Variants in TENM3 observed in about 807,000 individuals in gnomAD.
TENM3 encodes teneurin-3.
A neutral mutation model predicts 255.1 loss-of-function variants in TENM3; 63 were observed. The observed-to-expected ratio is 0.25, with a 90% CI of 0.20 to 0.30. TENM3 has a LOEUF of 0.30. Ranked by LOEUF, TENM3 falls within the 10% of genes least tolerant of loss-of-function variation. The pLI, the probability that TENM3 is intolerant of heterozygous loss-of-function variation, is 1.00. For missense variants in TENM3, 2,929 were observed against 3,461.1 expected, an observed-to-expected ratio of 0.85 and a Z score of 3.86; for synonymous variants, 1,306 against 1,322.3, an observed-to-expected ratio of 0.99 and a Z score of 0.27.
chr4:181,849,124 A>G, the TENM3 span, among the ~76,000 whole-genome samples: 1 of 152,240 alleles, frequency 6.6e-6, no homozygotes, highest in African/African-American at 2.4e-5. Flanking sequence ...CCAGAGAATT[A>G]TATCAGTGGT....
At chr4:182,786,573 A>G (rs1322531339) in intron 24 of TENM3, among the ~76,000 whole-genome samples, 5 of 151,626 alleles carry the variant, frequency 3.3e-5, no homozygotes. Context: ...AAAAAAAAAA[A>G]AGAAATCAGA....
the TENM3 span, among the ~76,000 whole-genome samples, chr4:181,626,560 C>A: frequency 6.6e-6 from 1 of 151,944 alleles, no homozygotes. Flanking sequence ...GAGAGCACAG[C>A]AAGGGGGCGG....
At chr4:182,712,682 A>G (rs1188572564) in intron 12 of TENM3, among the ~76,000 whole-genome samples, 1 of 152,178 alleles carries the variant, frequency 6.6e-6, no homozygotes, top group African/African-American at 2.4e-5. Flanking sequence ...CAAGTTCCAC[A>G]GTGGAGGAGG....
chr4:181,825,005 T>C, the TENM3 span, among the ~76,000 whole-genome samples: 2 of 152,360 alleles, frequency 1.3e-5, no homozygotes, highest in African/African-American at 4.8e-5. Flanking sequence ...GTCGCATTTT[T>C]AATTCAGTTC....
intron 6 of TENM3, among the ~76,000 whole-genome samples, chr4:182,655,634 A>G (rs926396429): frequency 2.6e-5 from 4 of 152,156 alleles, no homozygotes; most frequent in African/African-American, 9.7e-5. Flanking sequence ...TTGCAAGAAA[A>G]TTTTAGGGCA....
intron 3 of TENM3, among the ~76,000 whole-genome samples, chr4:182,435,183 A>G (rs138515826): frequency 1.3e-5 from 2 of 152,302 alleles, no homozygotes; most frequent in Non-Finnish European, 2.9e-5. Flanking sequence ...CTCCGGTTCC[A>G]CGGTTTTATG....
the TENM3 span, among the ~76,000 whole-genome samples, chr4:181,700,230 C>CT: frequency 8.0e-5 from 12 of 149,980 alleles, no homozygotes; most frequent in South Asian, 4.2e-4. Context: ...ATTTCAGGGT[C>CT]TTTTTTTTTT....
chr4:181,524,097 AT>A, the TENM3 span, among the ~76,000 whole-genome samples: 1 of 152,212 alleles, frequency 6.6e-6, no homozygotes, highest in South Asian at 2.1e-4. Flanking sequence ...TAACATGGAA[AT>A]CATGCAAATT....
At chr4:182,523,684 G>A (rs1738817009) in intron 3 of TENM3, among the ~76,000 whole-genome samples, 1 of 152,114 alleles carries the variant, frequency 6.6e-6, no homozygotes, top group Non-Finnish European at 1.5e-5. Flanking sequence ...GCTTGTGTTA[G>A]TGACAGTATA....
intron 23 of TENM3, chr4:182,773,916 A>C (rs1000777308): frequency 2.6e-5 from 7 of 273,980 alleles, no homozygotes; most frequent in Non-Finnish European, 3.4e-5. Context: ...CTTCACATGC[A>C]TCATCAGGCG....
chr4:182,061,231 G>A, the TENM3 span, among the ~76,000 whole-genome samples: 2 of 152,130 alleles, frequency 1.3e-5, no homozygotes, highest in East Asian at 1.9e-4. Context: ...TGCAACTGGC[G>A]AGGAAGTGGG....
At chr4:181,555,482 TAACTC>T in the TENM3 span, among the ~76,000 whole-genome samples, 1 of 152,200 alleles carries the variant, frequency 6.6e-6, no homozygotes, top group Non-Finnish European at 1.5e-5. Flanking sequence ...CCAATTTAAA[TAACTC>T]AACAAGCAAC....
At chr4:182,103,327 A>G in the TENM3 span, among the ~76,000 whole-genome samples, 5 of 152,254 alleles carry the variant, frequency 3.3e-5, no homozygotes, top group African/African-American at 1.2e-4. Flanking sequence ...AAATCTGGCC[A>G]GAGCAAAGGT....
chr4:181,744,724 A>G, the TENM3 span, among the ~76,000 whole-genome samples: 1 of 152,212 alleles, frequency 6.6e-6, no homozygotes, highest in African/African-American at 2.4e-5. Flanking sequence ...TACATTCCAA[A>G]TGTATTTTGA....
At chr4:181,852,037 CAAAAGAG>C in the TENM3 span, among the ~76,000 whole-genome samples, 1 of 152,156 alleles carries the variant, frequency 6.6e-6, no homozygotes, top group Non-Finnish European at 1.5e-5. Flanking sequence ...CTGACCAAAC[CAAAAGAG>C]AAAAGTCAAC....
chr4:182,372,384 T>G (rs183974057), intron 3 of TENM3, among the ~76,000 whole-genome samples: 4 of 129,660 alleles, frequency 3.1e-5, no homozygotes, highest in African/African-American at 1.0e-4. Flanking sequence ...GACACTGACA[T>G]CTTTACAAAT....
intron 3 of TENM3, among the ~76,000 whole-genome samples, chr4:182,484,330 T>C (rs759696895): frequency 9.9e-5 from 15 of 152,252 alleles, no homozygotes; most frequent in Non-Finnish European, 2.2e-4. Flanking sequence ...ACCCAGGCAG[T>C]GTGGCTTAAC....
At chr4:182,011,553 T>C in the TENM3 span, among the ~76,000 whole-genome samples, 1 of 152,228 alleles carries the variant, frequency 6.6e-6, no homozygotes, top group Admixed American at 6.5e-5. Flanking sequence ...ACTCTCCATG[T>C]GCTTTAGAAA....
chr4:182,764,834 A>G (rs1763543952), intron 22 of TENM3, among the ~76,000 whole-genome samples: 1 of 152,152 alleles, frequency 6.6e-6, no homozygotes, highest in Non-Finnish European at 1.5e-5. Context: ...TTTAACAGGG[A>G]CAGCAACATA....
Sources: gnomAD v4.1 joint callset for allele counts (sites outside exome capture counted in the v4.1 genomes callset) on GRCh38, gnomAD v4.1.1 for gene constraint, MANE v1.5 for transcripts, NCBI Gene and HGNC (gene_info 2026-07-23, HGNC 2026-07-21) for gene names.